Variants in FOXN3 observed in about 807,000 individuals in gnomAD.
FOXN3 encodes the protein forkhead box N3, also known as forkhead box protein N3.
FOXN3 carries 7 observed loss-of-function variants against 38.4 expected under a neutral mutation model. That is an observed-to-expected ratio of 0.18 (90% CI 0.10 to 0.34). FOXN3 has a LOEUF of 0.34. Ranked by LOEUF, FOXN3 falls within the 10% of genes least tolerant of loss-of-function variation. The pLI, the probability that FOXN3 is intolerant of heterozygous loss-of-function variation, is 1.00. For synonymous variants in FOXN3, 230 were observed against 242.2 expected (o/e 0.95, Z 0.47); for missense variants, 456 against 613.4 (o/e 0.74, Z 2.71).
At chr14:89,390,014 G>C (rs1219586435) in intron 2 of FOXN3, among the ~76,000 whole-genome samples, 17 of 152,000 alleles carry the variant, frequency 1.1e-4, no homozygotes. Flanking sequence ...GCACTCAGGA[G>C]TTCGAGACCA....
chr14:89,180,655 C>A, intron 5 of FOXN3, 46 bp downstream of exon 5: 1 of 1,429,960 alleles, frequency 7.0e-7, no homozygotes, highest in Non-Finnish European at 9.5e-7. Flanking sequence ...GAAAGCTGCC[C>A]TTCCCACTCC....
chr14:89,537,021 C>A (rs1032431733), intron 1 of FOXN3, among the ~76,000 whole-genome samples: 1 of 152,160 alleles, frequency 6.6e-6, no homozygotes, highest in Non-Finnish European at 1.5e-5. Context: ...AAAGCGTCTC[C>A]AGAGCACCAG....
intron 3 of FOXN3, among the ~76,000 whole-genome samples, chr14:89,325,346 C>T (rs1345295844): frequency 2.1e-5 from 3 of 146,144 alleles, no homozygotes; most frequent in Non-Finnish European, 3.0e-5. Flanking sequence ...ACCACCACCA[C>T]CACCACCACC....
intron 1 of FOXN3, among the ~76,000 whole-genome samples, chr14:89,611,807 A>G (rs1265348439): frequency 1.5e-5 from 1 of 65,224 alleles, no homozygotes; most frequent in Non-Finnish European, 3.6e-5. Flanking sequence ...CTCCGTCTCA[A>G]AAAAAAAAAA....
At chr14:89,475,744 G>A (rs879009038) in intron 1 of FOXN3, among the ~76,000 whole-genome samples, 5 of 152,162 alleles carry the variant, frequency 3.3e-5, no homozygotes, top group Non-Finnish European at 5.9e-5. Context: ...TTCCATAAAA[G>A]AGCAACCAGC....
chr14:89,216,087 G>A (rs558271240), intron 4 of FOXN3, among the ~76,000 whole-genome samples: 1 of 152,168 alleles, frequency 6.6e-6, no homozygotes, highest in Non-Finnish European at 1.5e-5. Flanking sequence ...GTGCCCTATG[G>A]GGCTACAGGT....
chr14:89,452,560 G>T (rs1465285823), intron 1 of FOXN3, among the ~76,000 whole-genome samples: 1 of 152,178 alleles, frequency 6.6e-6, no homozygotes, highest in Admixed American at 6.5e-5. Flanking sequence ...GGGAAAGCCC[G>T]TTTTGATGGG....
intron 4 of FOXN3, among the ~76,000 whole-genome samples, chr14:89,207,703 GA>G (rs1888421432): frequency 1.3e-5 from 2 of 152,098 alleles, no homozygotes; most frequent in Admixed American, 1.3e-4. Flanking sequence ...TTTTAATGGG[GA>G]AAAAATGGTA....
chr14:89,431,566 C>CT (rs1251575017), intron 1 of FOXN3, among the ~76,000 whole-genome samples: 6 of 152,172 alleles, frequency 3.9e-5, no homozygotes, highest in African/African-American at 1.4e-4. Flanking sequence ...TTTTGACCCT[C>CT]TGTGCAAGAG....
chr14:89,334,001 T>C (rs1419608659), intron 3 of FOXN3, among the ~76,000 whole-genome samples: 1 of 61,174 alleles, frequency 1.6e-5, no homozygotes, highest in Non-Finnish European at 3.4e-5. Flanking sequence ...TATATATATA[T>C]ATATATATGT....
At chr14:89,176,693 AAT>A (rs1221533978) in intron 5 of FOXN3, among the ~76,000 whole-genome samples, 1 of 152,230 alleles carries the variant, frequency 6.6e-6, no homozygotes, top group Non-Finnish European at 1.5e-5. Context: ...AATTATGATG[AAT>A]GTGAAAATGC....
chr14:89,511,246 CT>C (rs372585967), intron 1 of FOXN3, among the ~76,000 whole-genome samples: 761 of 13,938 alleles, frequency 0.055, 138 homozygotes, highest in Middle Eastern at 0.091. Flanking sequence ...CCTTTTCTTT[CT>C]TTTCTTTCTT....
intron 2 of FOXN3, among the ~76,000 whole-genome samples, chr14:89,407,213 T>C (rs1339642216): frequency 1.3e-5 from 2 of 152,070 alleles, no homozygotes; most frequent in African/African-American, 4.8e-5. Context: ...CACAAGGAAG[T>C]AAACAGAATG....
At chr14:89,606,459 GA>G (rs1018122653) in intron 1 of FOXN3, among the ~76,000 whole-genome samples, 2 of 150,920 alleles carry the variant, frequency 1.3e-5, no homozygotes, top group Admixed American at 6.6e-5. Flanking sequence ...CAGCAAAAAA[GA>G]AAAAAAAATT....
In FOXN3 at chr14:89,363,390, G is replaced by A. The variant is rs1044398341; in HGVS notation, c.544-12582C>T. On this transcript the variant is annotated intron_variant, in intron 2 of 5. Coordinates refer to ENST00000557258, the MANE Select transcript of FOXN3 (RefSeq NM_005197.4). ...ACCCATGACTATGTGCCCATGAGGGGCCACAGGCAATGCCAGGACTTTCCC... is the reference window on the plus strand; with the variant it reads ...ACCCATGACTATGTGCCCATGAGGGACCACAGGCAATGCCAGGACTTTCCC... Among the ~76,000 whole-genome samples, 5 of 152,216 alleles carry A rather than the reference G, an allele frequency of 3.3e-5. No individual in the cohort carries two copies. The South Asian group carries it at 6.2e-4, about 19-fold the overall frequency.
rs755282901 is a variant in FOXN3, at chr14:89,412,401, A to G, written c.76T>C (p.Tyr26His). The change falls in exon 2 of 6, where the codon TAC becomes CAC. Residue 26 changes from tyrosine (Y) to histidine (H), a missense_variant. By Grantham distance (83) the Tyr-to-His change is moderately conservative (BLOSUM62 2). Around this residue, in one of 3 missense-constraint regions of FOXN3, gnomAD observed 59 missense variants for 69.0 expected, o/e 0.85. Transcript: ENST00000557258. The surrounding 1 kb of genome is among the most constrained non-coding windows in gnomAD (Gnocchi z 4.7). ...GCCTTGGAGAAACCGCTGCCCCCGT[A>G]ACACTGACTCAGTCCACTGGAGACA... The part of the protein sequence containing the change: ...ISVSSGLSQC[Y>H]GGSGFSKALQ... 3.1e-6 allele frequency: 5 copies of G among 1,614,152 alleles called. No individual in the cohort carries two copies. The highest frequency in any genetic ancestry group is 4.2e-6 in the Non-Finnish European group (5 of 1,180,018).
At chr14:89,553,544 G>T (rs1180621215) in intron 1 of FOXN3, among the ~76,000 whole-genome samples, 1 of 152,022 alleles carries the variant, frequency 6.6e-6, no homozygotes. Flanking sequence ...GAAGCAGGAA[G>T]GCAGAACTTG....
intron 1 of FOXN3, among the ~76,000 whole-genome samples, chr14:89,461,161 C>A (rs1263574310): frequency 2.6e-5 from 4 of 151,608 alleles, no homozygotes; most frequent in Admixed American, 6.6e-5. Context: ...CATGGTGAAA[C>A]CCCATCTCTA....
intron 1 of FOXN3, among the ~76,000 whole-genome samples, chr14:89,480,838 A>G (rs1893310446): frequency 6.6e-6 from 1 of 152,086 alleles, no homozygotes. Flanking sequence ...GAATTCCTTT[A>G]GTTTTCTTTG....
Sources: gnomAD v4.1 joint callset for allele counts (sites outside exome capture counted in the v4.1 genomes callset) on GRCh38, gnomAD v4.1.1 for gene constraint, gnomAD v4.1.1 regional missense constraint, Gnocchi (gnomAD v3.1) non-coding constraint, MANE v1.5 for transcripts, NCBI Gene and HGNC (gene_info 2026-07-23, HGNC 2026-07-21) for gene names.